The following GLIS3 variants were observed in gnomAD, a reference collection of about 807,000 sequenced individuals.
GLIS3 encodes GLIS family zinc finger 3.
GLIS3 carries 53 observed loss-of-function variants against 78.6 expected under a neutral mutation model. That is an observed-to-expected ratio of 0.67 (90% CI 0.54 to 0.85). The LOEUF (loss-of-function observed/expected upper bound fraction) is 0.85, where lower values mean the gene tolerates loss of function less well. Ranked by LOEUF, GLIS3 falls within the 40% of genes least tolerant of loss-of-function variation. The probability of loss-of-function intolerance (pLI) is 0.00; values close to 1 mark genes in which losing one functional copy is unlikely to be tolerated. For missense variants in GLIS3, 1,703 were observed against 1,231.1 expected (o/e 1.38, Z -5.74); for synonymous variants, 684 against 509.9 (o/e 1.34, Z -4.60).
chr9:3,884,354 T>C (rs780145687), intron 7 of GLIS3, among the ~76,000 whole-genome samples: 11 of 152,202 alleles, frequency 7.2e-5, no homozygotes, highest in Non-Finnish European at 1.3e-4. Context: ...TAACTGTGTT[T>C]TCATCACTTC....
the GLIS3 span, among the ~76,000 whole-genome samples, chr9:4,456,704 G>C: frequency 6.6e-6 from 1 of 152,138 alleles, no homozygotes; most frequent in Non-Finnish European, 1.5e-5. Context: ...ATACTTAGAG[G>C]CCATTGTAGG....
rs73386264 is a variant in GLIS3, at chr9:4,327,804, C to G, written n.265-17276G>C. 8.1e-3 allele frequency among the ~76,000 whole-genome samples: 1,228 copies of G among 152,312 alleles called. 13 individuals carry two copies. Among genetic ancestry groups the G allele is most frequent in the African/African-American group, 0.028 (1,170 of 41,558 alleles). On this transcript the variant is annotated intron_variant and non_coding_transcript_variant, in intron 2 of 4. Transcript: ENST00000471664. ...AAGAAGTGTCTCCCTGGACCTGGGC[C>G]TAACTTCCTCCTAAATGTCACTCCT...
chr9:4,364,710 T>TTATATATA, the GLIS3 span, among the ~76,000 whole-genome samples: 5 of 134,356 alleles, frequency 3.7e-5, no homozygotes, highest in African/African-American at 1.4e-4. Flanking sequence ...TTATTACACT[T>TTATATATA]TATATATATA....
intron 2 of GLIS3, among the ~76,000 whole-genome samples, chr9:4,341,145 C>A (rs1817828677): frequency 6.6e-6 from 1 of 152,210 alleles, no homozygotes; most frequent in Admixed American, 6.5e-5. Flanking sequence ...GACAGACTTT[C>A]CTAGTTGCAT....
At chr9:4,483,447 C>T in the GLIS3 span, among the ~76,000 whole-genome samples, 2,354 of 151,946 alleles carry the variant, frequency 0.015, 25 homozygotes, top group Non-Finnish European at 0.025. Context: ...TGGCTGGGTG[C>T]GGTGGCTCAC....
At chr9:4,251,344 G>A (rs1037358059) in intron 2 of GLIS3, among the ~76,000 whole-genome samples, 5 of 151,662 alleles carry the variant, frequency 3.3e-5, no homozygotes, top group African/African-American at 4.8e-5. Flanking sequence ...TGTGTTAATC[G>A]CTTTACCATT....
At chr9:3,950,782 T>C (rs922543576) in intron 4 of GLIS3, among the ~76,000 whole-genome samples, 2 of 152,222 alleles carry the variant, frequency 1.3e-5, no homozygotes, top group Admixed American at 6.5e-5. Context: ...CCAATGCAGA[T>C]GTGTTGAATA....
rs1171973500 is a variant in GLIS3, at chr9:3,825,708, T to A, written c.*2564A>T. On this transcript the variant is annotated 3_prime_UTR_variant, in exon 11 of 11. Coordinates refer to ENST00000381971, the MANE Select transcript of GLIS3 (RefSeq NM_001042413.2). Reference sequence around the variant, plus strand: ...GACAAATTTTAAGGTCAGGAAAGACTCTCGAATCTAAGCATAGTGTGTGTA... The same window carrying A: ...GACAAATTTTAAGGTCAGGAAAGACACTCGAATCTAAGCATAGTGTGTGTA... 1.3e-5 allele frequency: 2 copies of A among 152,182 alleles called. No homozygotes were observed. Among genetic ancestry groups the A allele is most frequent in the Non-Finnish European group, 2.9e-5 (2 of 68,050 alleles). The allele number at this position is 152,182 out of a possible 1,614,324, so 9.4% of individuals were successfully genotyped here.
chr9:4,297,020 A>C (rs1816589511), intron 1 of GLIS3, among the ~76,000 whole-genome samples: 1 of 152,056 alleles, frequency 6.6e-6, no homozygotes, highest in Non-Finnish European at 1.5e-5. Context: ...AAACCTTTAC[A>C]GGTTGCACCT....
intron 4 of GLIS3, among the ~76,000 whole-genome samples, chr9:4,087,481 C>A (rs1829131463): frequency 6.6e-6 from 1 of 152,146 alleles, no homozygotes; most frequent in Non-Finnish European, 1.5e-5. Context: ...CCTGATAGAT[C>A]TAAGGCCTCC....
intron 7 of GLIS3, among the ~76,000 whole-genome samples, chr9:3,884,654 G>A (rs1045807097): frequency 6.6e-6 from 1 of 152,082 alleles, no homozygotes; most frequent in Non-Finnish European, 1.5e-5. Flanking sequence ...AAGACTTATT[G>A]AGCATTTATA....
chr9:4,210,977 G>A (rs1242377744), intron 2 of GLIS3, among the ~76,000 whole-genome samples: 1 of 152,086 alleles, frequency 6.6e-6, no homozygotes, highest in East Asian at 1.9e-4. Flanking sequence ...CCACTATATT[G>A]ATAAATTTGG....
At chr9:3,837,635 T>C (rs1030911818) in intron 9 of GLIS3, among the ~76,000 whole-genome samples, 1 of 152,182 alleles carries the variant, frequency 6.6e-6, no homozygotes. Context: ...GGAGGGAATT[T>C]CAATTTAAAT....
intron 8 of GLIS3, among the ~76,000 whole-genome samples, chr9:3,871,072 A>C (rs1375455168): frequency 6.6e-6 from 1 of 152,230 alleles, no homozygotes; most frequent in African/African-American, 2.4e-5. Flanking sequence ...GCTACACGGC[A>C]CATGCAATTT....
chr9:4,020,260 AG>A (rs1435213826), intron 4 of GLIS3, among the ~76,000 whole-genome samples: 1 of 152,176 alleles, frequency 6.6e-6, no homozygotes, highest in East Asian at 1.9e-4. Flanking sequence ...TGGCTGTAAA[AG>A]GGGAGGGTAA....
the GLIS3 span, among the ~76,000 whole-genome samples, chr9:4,357,160 T>G: frequency 7.2e-5 from 11 of 152,252 alleles, no homozygotes; most frequent in Non-Finnish European, 1.6e-4. Context: ...CCCTGTGATC[T>G]TTAATTTTGT....
intron 2 of GLIS3, among the ~76,000 whole-genome samples, chr9:4,147,933 A>G (rs1025284882): frequency 3.3e-5 from 5 of 152,214 alleles, no homozygotes; most frequent in Admixed American, 1.3e-4. Flanking sequence ...AAGTCAACTT[A>G]CTGTCGGCTG....
At chr9:4,310,984 A>G (rs975440680) in intron 2 of GLIS3, among the ~76,000 whole-genome samples, 10 of 152,338 alleles carry the variant, frequency 6.6e-5, no homozygotes, top group Admixed American at 2.6e-4. Flanking sequence ...AGATTTCAAT[A>G]CAGACAAGGT....
At chr9:3,861,025 T>G (rs1820179915) in intron 8 of GLIS3, among the ~76,000 whole-genome samples, 1 of 152,162 alleles carries the variant, frequency 6.6e-6, no homozygotes, top group Admixed American at 6.5e-5. Flanking sequence ...AGGAATAATT[T>G]TAAATTGAGA....
Sources: gnomAD v4.1 joint callset for allele counts (sites outside exome capture counted in the v4.1 genomes callset) on GRCh38, gnomAD v4.1.1 for gene constraint, MANE v1.5 for transcripts, NCBI Gene and HGNC (gene_info 2026-07-23, HGNC 2026-07-21) for gene names.